The following SPOCK3 variants were observed in gnomAD, a reference collection of about 807,000 sequenced individuals.
SPOCK3 encodes the protein testican-3.
SPOCK3 carries 30 observed loss-of-function variants against 56.6 expected under a neutral mutation model. The ratio of observed to expected loss-of-function variants is 0.53; its 90% CI spans 0.40 to 0.72. SPOCK3 has a LOEUF of 0.72. Among genes scored for constraint, SPOCK3 ranks in the 30% least tolerant of loss-of-function variants. The probability of loss-of-function intolerance (pLI) is 0.00; values close to 1 mark genes in which losing one functional copy is unlikely to be tolerated. For synonymous variants in SPOCK3, 196 were observed against 183.3 expected (o/e 1.07, Z -0.56); for missense variants, 527 against 530.0 (o/e 0.99, Z 0.06).
rs781046212 is a variant in SPOCK3, at chr4:166,737,456, C to T, written c.1132+11G>A. The T allele has an allele frequency of 1.9e-6, 3 of 1,608,408 alleles. No individual in the cohort carries two copies. The highest frequency in any genetic ancestry group is 2.5e-6 in the Non-Finnish European group (3 of 1,177,590). ...TTAGAAAATTATGAAATAAGTAACC[C>T]TTCTCCTTACCACAATCTGCAACAC... is the stretch of plus-strand genomic sequence containing the variant. On this transcript the variant is annotated intron_variant, in intron 10 of 10. Coordinates refer to ENST00000357545, the MANE Select transcript of SPOCK3 (RefSeq NM_001040159.2).
chr4:166,902,663 C>A (rs1257448194), intron 5 of SPOCK3, among the ~76,000 whole-genome samples: 1 of 151,300 alleles, frequency 6.6e-6, no homozygotes, highest in African/African-American at 2.4e-5. Flanking sequence ...GCTTATTATT[C>A]TATGTTACGT....
chr4:166,984,320 G>A (rs1746904918), intron 4 of SPOCK3, among the ~76,000 whole-genome samples: 1 of 152,000 alleles, frequency 6.6e-6, no homozygotes, highest in Non-Finnish European at 1.5e-5. Flanking sequence ...TAGGAATTAG[G>A]ATATAAAACA....
intron 2 of SPOCK3, among the ~76,000 whole-genome samples, chr4:167,151,662 C>G (rs189177766): frequency 0.016 from 2,505 of 152,150 alleles, 32 homozygotes; most frequent in Middle Eastern, 0.044. Flanking sequence ...GTCTCGATCT[C>G]CTGACCTCGT....
chr4:166,860,926 C>T (rs1731189275), intron 6 of SPOCK3, among the ~76,000 whole-genome samples: 1 of 150,246 alleles, frequency 6.7e-6, no homozygotes, highest in South Asian at 2.1e-4. Context: ...ACTGGGAACA[C>T]TATAACGTCT....
chr4:167,233,030 C>G (rs7657608), intron 2 of SPOCK3, among the ~76,000 whole-genome samples: 9 of 151,970 alleles, frequency 5.9e-5, no homozygotes, highest in African/African-American at 2.2e-4. Flanking sequence ...TGTCTAGGAA[C>G]CACTCTCGCT....
chr4:166,986,830 C>T (rs916792215), intron 4 of SPOCK3, among the ~76,000 whole-genome samples: 18 of 152,110 alleles, frequency 1.2e-4, no homozygotes, highest in African/African-American at 4.3e-4. Flanking sequence ...CCACAACACA[C>T]ACACATGCAC....
chr4:167,182,925 A>G (rs956088609), intron 2 of SPOCK3, among the ~76,000 whole-genome samples: 1 of 152,162 alleles, frequency 6.6e-6, no homozygotes, highest in Non-Finnish European at 1.5e-5. Flanking sequence ...CCATGGCATC[A>G]TCATTGACAA....
intron 2 of SPOCK3, chr4:167,120,013 A>C (rs1761736842): frequency 1.8e-6 from 1 of 562,740 alleles, no homozygotes; most frequent in Non-Finnish European, 3.1e-6. Context: ...AAAGCAGTGT[A>C]TCTCTTAAAT....
chr4:166,974,692 T>G (rs575215493), intron 4 of SPOCK3, among the ~76,000 whole-genome samples: 1 of 152,332 alleles, frequency 6.6e-6, no homozygotes, highest in African/African-American at 2.4e-5. Flanking sequence ...GATTTGCACA[T>G]TACTAAAAGC....
intron 3 of SPOCK3, among the ~76,000 whole-genome samples, chr4:167,052,976 C>T (rs1207861258): frequency 1.3e-5 from 2 of 152,134 alleles, no homozygotes; most frequent in Non-Finnish European, 1.5e-5. Flanking sequence ...CTATGAACAG[C>T]TCTGTTCACT....
intron 2 of SPOCK3, among the ~76,000 whole-genome samples, chr4:167,189,347 C>A (rs1331665858): frequency 6.9e-6 from 1 of 145,702 alleles, no homozygotes; most frequent in Admixed American, 7.1e-5. Context: ...TTTGTCAGCT[C>A]ATTACAAATG....
At chr4:166,952,954 A>T (rs912496098) in intron 4 of SPOCK3, among the ~76,000 whole-genome samples, 3 of 150,860 alleles carry the variant, frequency 2.0e-5, no homozygotes, top group Non-Finnish European at 4.4e-5. Flanking sequence ...TAAAGACTTA[A>T]ACGTTAGACC....
At chr4:166,862,755 C>A (rs1211644184) in intron 6 of SPOCK3, among the ~76,000 whole-genome samples, 1 of 151,958 alleles carries the variant, frequency 6.6e-6, no homozygotes, top group Non-Finnish European at 1.5e-5. Flanking sequence ...CATTATTTTT[C>A]TTTCAAGAGC....
chr4:166,907,226 A>G (rs1736725733), intron 5 of SPOCK3, among the ~76,000 whole-genome samples: 2 of 152,100 alleles, frequency 1.3e-5, no homozygotes, highest in African/African-American at 4.8e-5. Flanking sequence ...TTCCCTACAG[A>G]TAGACCACTG....
At chr4:167,109,421 A>C (rs1334008307) in intron 2 of SPOCK3, among the ~76,000 whole-genome samples, 4 of 69,332 alleles carry the variant, frequency 5.8e-5, no homozygotes, top group South Asian at 3.9e-4. Context: ...ATATATATAA[A>C]TATATATATG....
At chr4:167,062,709 G>GA in intron 2 of SPOCK3, 172 bp from the exon 3 acceptor site, 1 of 566,646 alleles carries the variant, frequency 1.8e-6, no homozygotes. Flanking sequence ...AGAAACAAGA[G>GA]AAAAAGAATA....
intron 3 of SPOCK3, among the ~76,000 whole-genome samples, chr4:167,048,107 T>C (rs181095571): frequency 4.7e-4 from 72 of 152,198 alleles, no homozygotes; most frequent in Non-Finnish European, 8.4e-4. Context: ...TAGAAAGTTA[T>C]AGGAAGTGTA....
intron 7 of SPOCK3, among the ~76,000 whole-genome samples, chr4:166,775,945 C>T (rs1739483308): frequency 6.6e-6 from 1 of 152,096 alleles, no homozygotes; most frequent in African/African-American, 2.4e-5. Flanking sequence ...AGTGGTACAG[C>T]AGGTGCTCTA....
At position 166,819,485 on chromosome 4, in the gene SPOCK3, A is replaced by G. The variant is rs1473617518; in HGVS notation, c.590-27196T>C. Among the ~76,000 whole-genome samples the G allele has an allele frequency of 6.6e-5, 10 of 152,200 alleles. No homozygotes were observed. The East Asian group carries it at 1.9e-3, about 30-fold the overall frequency. The stretch of plus-strand genomic sequence containing the variant: ...GTATAGAAAGTCCTAAGGAATACAC[A>G]TAAACATACATACAATTAATAGAAC... On this transcript the variant is annotated intron_variant, in intron 6 of 10. Coordinates refer to ENST00000357545, the MANE Select transcript of SPOCK3 (RefSeq NM_001040159.2).
Sources: gnomAD v4.1 joint callset for allele counts (sites outside exome capture counted in the v4.1 genomes callset) on GRCh38, gnomAD v4.1.1 for gene constraint, MANE v1.5 for transcripts, NCBI Gene and HGNC (gene_info 2026-07-23, HGNC 2026-07-21) for gene names.